Variants in DNAH12 observed in about 807,000 individuals in gnomAD.
The protein encoded by DNAH12 is axonemal beta dynein heavy chain 12.
In DNAH12, 285 loss-of-function variants were observed where a neutral mutation model predicts 371.5. That is an observed-to-expected ratio of 0.77 (90% CI 0.70 to 0.85). The LOEUF (loss-of-function observed/expected upper bound fraction) is 0.85, where lower values mean the gene tolerates loss of function less well. DNAH12 is among the 40% of genes least tolerant of loss of function. DNAH12 has a pLI of 0.00. For missense variants in DNAH12, 3,611 were observed against 3,689.4 expected (o/e 0.98, Z 0.55); for synonymous variants, 1,200 against 1,213.0 (o/e 0.99, Z 0.22).
chr3:57,428,537 T>G, intron 34 of DNAH12, 96 bp downstream of exon 34: 1 of 1,515,998 alleles, frequency 6.6e-7, no homozygotes, highest in South Asian at 1.3e-5. Context: ...ACAAACTGGT[T>G]TTAGTTATTC....
intron 8 of DNAH12, among the ~76,000 whole-genome samples, chr3:57,505,519 C>A (rs2067723111): frequency 6.6e-6 from 1 of 152,086 alleles, no homozygotes; most frequent in South Asian, 2.1e-4. Flanking sequence ...TGACTCACTG[C>A]AACCTCTGTC....
intron 45 of DNAH12, among the ~76,000 whole-genome samples, chr3:57,387,732 T>A (rs1322971964): frequency 6.6e-6 from 1 of 152,162 alleles, no homozygotes; most frequent in Admixed American, 6.5e-5. Flanking sequence ...GAGAGTTACA[T>A]AGAGCTGGGA....
chr3:57,392,336 T>C (rs1157542108), intron 44 of DNAH12, among the ~76,000 whole-genome samples: 1 of 152,232 alleles, frequency 6.6e-6, no homozygotes, highest in African/African-American at 2.4e-5. Flanking sequence ...AAATATAATT[T>C]TACATTGTTT....
At chr3:57,508,285 G>T (rs1291568344) in intron 7 of DNAH12, 97 bp downstream of exon 7, 2 of 1,126,600 alleles carry the variant, frequency 1.8e-6, no homozygotes, top group Non-Finnish European at 2.4e-6. Context: ...CTAGAGAAAA[G>T]TGTTGAAGAT....
chr3:57,314,576 C>T lies in DNAH12; in HGVS notation c.10580G>A (p.Arg3527Lys), dbSNP rs1559545935. Residue 3527 changes from arginine to lysine, a missense_variant, in exon 66 of 74, where the codon AGA becomes AAA. By Grantham distance (26) the Arg-to-Lys change is conservative (BLOSUM62 2). Coordinates refer to ENST00000495027, the MANE Select transcript of DNAH12 (RefSeq NM_001366028.2). ...CCAACCAAGAGGACCAAATTTCTTT[C>T]TCTCTTGCACAAGGGCATGAAAAAA... ...VCFFHALVQE[R>K]KKFGPLGWNI... 2 of 1,551,344 alleles carry T rather than the reference C, an allele frequency of 1.3e-6. No individual in the cohort carries two copies. Among genetic ancestry groups the T allele is most frequent in the Non-Finnish European group, 1.7e-6 (2 of 1,146,918 alleles).
chr3:57,334,078 A>C (rs1258047700), intron 62 of DNAH12, among the ~76,000 whole-genome samples: 1 of 152,232 alleles, frequency 6.6e-6, no homozygotes, highest in East Asian at 1.9e-4. Context: ...GATTTGTAGC[A>C]GATTAGACAA....
intron 43 of DNAH12, among the ~76,000 whole-genome samples, chr3:57,401,584 AAG>A (rs2063867728): frequency 7.2e-6 from 1 of 139,820 alleles, no homozygotes; most frequent in African/African-American, 2.8e-5. Flanking sequence ...AAAAAAAAAG[AAG>A]AAGAAGAAGA....
chr3:57,343,868 A>T (rs949038403), intron 60 of DNAH12, among the ~76,000 whole-genome samples: 4 of 152,190 alleles, frequency 2.6e-5, no homozygotes, highest in African/African-American at 9.7e-5. Context: ...TGGGTGGAGA[A>T]AAACATAAAT....
At chr3:57,297,073 T>A in intron 70 of DNAH12, 89 bp from the exon 71 acceptor site, 4 of 1,454,020 alleles carry the variant, frequency 2.8e-6, no homozygotes, top group Non-Finnish European at 3.7e-6. Flanking sequence ...GGTTTTTGCT[T>A]ATGTTGCCCA....
rs988944478 is a variant in DNAH12 at position 57,446,246 on chromosome 3, CAGA to C, written c.3961_3963del (p.Ser1321del). The C allele has an allele frequency of 4.5e-6, 7 of 1,551,588 alleles. No individual in the cohort carries two copies. In the African/African-American group the frequency reaches 6.8e-5, roughly 15 times the overall value. ...AATTCATCAAAGCAAGCCCAAGCAC[CAGA>C]AGAAGCCAGTCCTTTAAAAAACTAA... On this transcript the variant is annotated inframe_deletion, in exon 27 of 74. Transcript: ENST00000495027.
intron 58 of DNAH12, among the ~76,000 whole-genome samples, chr3:57,360,097 G>C (rs1336764393): frequency 2.0e-5 from 3 of 152,024 alleles, no homozygotes; most frequent in African/African-American, 7.3e-5. Flanking sequence ...GCCAATAAAT[G>C]CTCCCTATCT....
intron 65 of DNAH12, among the ~76,000 whole-genome samples, chr3:57,316,517 C>T (rs1295989366): frequency 6.6e-6 from 1 of 152,076 alleles, no homozygotes; most frequent in Non-Finnish European, 1.5e-5. Flanking sequence ...TGGAAAGAGT[C>T]AGATGTCCTG....
At chr3:57,537,624 G>C (rs6791972) in intron 2 of DNAH12, among the ~76,000 whole-genome samples, 54,776 of 151,532 alleles carry the variant, frequency 0.36, 11,064 homozygotes, top group South Asian at 0.55. Context: ...AGAAAGATAT[G>C]TTTGCAGTTT....
chr3:57,436,723 G>C (rs906673971), intron 30 of DNAH12, among the ~76,000 whole-genome samples: 9 of 151,840 alleles, frequency 5.9e-5, no homozygotes, highest in African/African-American at 2.2e-4. Context: ...GCAAATGGTG[G>C]TATTTATTAG....
chr3:57,363,924 CAT>C (rs1321414764), intron 57 of DNAH12, 138 bp from the exon 58 acceptor site: 3 of 152,102 alleles, frequency 2.0e-5, no homozygotes, highest in African/African-American at 7.2e-5. Flanking sequence ...AACTTTCACA[CAT>C]ATAACTATTT....
intron 11 of DNAH12, 45 bp downstream of exon 11, chr3:57,501,276 C>T (rs1559726482): frequency 4.2e-6 from 6 of 1,441,390 alleles, no homozygotes; most frequent in Non-Finnish European, 5.8e-6. Context: ...CCTAATGTTA[C>T]AAAAAAATTC....
chr3:57,454,434 C>T (rs1367287226), intron 23 of DNAH12, among the ~76,000 whole-genome samples: 1 of 148,120 alleles, frequency 6.8e-6, no homozygotes, highest in African/African-American at 2.5e-5. Flanking sequence ...GAGCCGAGAT[C>T]ATGCCTTTGC....
At chr3:57,415,978 G>A (rs1001448074) in intron 37 of DNAH12, among the ~76,000 whole-genome samples, 6 of 151,446 alleles carry the variant, frequency 4.0e-5, no homozygotes, top group African/African-American at 1.2e-4. Flanking sequence ...TAGTAGAGAC[G>A]GGTTTCACCG....
At chr3:57,418,562 T>C (rs888047364) in intron 37 of DNAH12, among the ~76,000 whole-genome samples, 19 of 149,698 alleles carry the variant, frequency 1.3e-4, no homozygotes, top group Non-Finnish European at 1.2e-4. Flanking sequence ...AAAAAACTGC[T>C]ATACTAGAAA....
Sources: gnomAD v4.1 joint callset for allele counts (sites outside exome capture counted in the v4.1 genomes callset) on GRCh38, gnomAD v4.1.1 for gene constraint, MANE v1.5 for transcripts, NCBI Gene and HGNC (gene_info 2026-07-23, HGNC 2026-07-21) for gene names.